Variants in MFSD2B observed in about 807,000 individuals in gnomAD.
MFSD2B encodes the protein MFSD2 lysolipid transporter B, sphingolipid, also known as sphingosine-1-phosphate transporter MFSD2B.
A neutral mutation model predicts 58.4 loss-of-function variants in MFSD2B; 56 were observed. The ratio of observed to expected loss-of-function variants is 0.96; its 90% CI spans 0.77 to 1.20. MFSD2B has a LOEUF of 1.20. Ranked by LOEUF, MFSD2B falls within the 50% of genes most tolerant of loss-of-function variation. MFSD2B has a pLI of 0.00. For missense variants in MFSD2B, 645 were observed against 667.6 expected (o/e 0.97, Z 0.37); for synonymous variants, 287 against 294.4 (o/e 0.97, Z 0.26).
At chr2:24,019,908 AG>A (rs1159808508) in intron 6 of MFSD2B, among the ~76,000 whole-genome samples, 1 of 152,212 alleles carries the variant, frequency 6.6e-6, no homozygotes, top group African/African-American at 2.4e-5. Flanking sequence ...AAGGGCCAGA[AG>A]GCTGTATCCT....
At chr2:24,025,304 G>A in intron 13 of MFSD2B, 128 bp from the exon 14 acceptor site, 1 of 771,622 alleles carries the variant, frequency 1.3e-6, no homozygotes. Context: ...GACTTGGGAG[G>A]GGAGGAGTTG....
rs376602986 is a variant in MFSD2B, at chr2:24,017,278, C to T, written c.472-8C>T. The T allele has an allele frequency of 3.6e-5, 58 of 1,591,576 alleles. No homozygotes were observed. The Admixed American group carries it at 4.2e-4, about 12-fold the overall frequency. ...TGGGGGCGGTTCTAAGCTCTGCCGA[C>T]GCCCCAGTTCTTCCAGGTGCCCTAC... On this transcript the variant is annotated splice_region_variant and splice_polypyrimidine_tract_variant and intron_variant, in intron 4 of 13. Coordinates refer to ENST00000338315, the MANE Select transcript of MFSD2B (RefSeq NM_001346880.2). The surrounding 1 kb of genome is among the most constrained non-coding windows in gnomAD (Gnocchi z 4.8).
At chr2:24,016,387 A>G in intron 3 of MFSD2B, 107 bp downstream of exon 3, 2 of 1,254,230 alleles carry the variant, frequency 1.6e-6, no homozygotes, top group Non-Finnish European at 1.1e-6. Context: ...TGGTTAGGAG[A>G]CAAGACTGGA....
chr2:24,017,444 C>A lies in MFSD2B; in HGVS notation c.551-14C>A, dbSNP rs1269089441. On this transcript the variant is annotated splice_polypyrimidine_tract_variant and intron_variant, in intron 5 of 13. Transcript: ENST00000338315. This position sits in a 1 kb window ranked among gnomAD's most constrained non-coding sequence, Gnocchi z 4.8. ...ACTCCCTCTCAGTCACCTTAAGTGG[C>A]ACTCTGTCTCCAGGGATGACTGTGG... is the stretch of plus-strand genomic sequence containing the variant. The A allele has an allele frequency of 6.3e-7, 1 of 1,599,958 alleles. No homozygotes were observed. The highest frequency in any genetic ancestry group is 1.7e-5 in the Admixed American group (1 of 58,082).
intron 2 of MFSD2B, among the ~76,000 whole-genome samples, chr2:24,014,443 C>T (rs115372421): frequency 6.6e-6 from 1 of 152,184 alleles, no homozygotes; most frequent in Non-Finnish European, 1.5e-5. Flanking sequence ...CGTGAGCCAC[C>T]GTGCCTGGCC....
In MFSD2B at chr2:24,024,516, T is replaced by C. The variant is rs926045104; in HGVS notation, c.1490+245T>C. Among the ~76,000 whole-genome samples, 1 of 152,110 alleles carries C rather than the reference T, an allele frequency of 6.6e-6. No homozygotes were observed. The highest frequency in any genetic ancestry group is 6.6e-5 in the Admixed American group (1 of 15,256). On this transcript the variant is annotated intron_variant, in intron 13 of 13. Transcript: ENST00000338315. This position sits in a 1 kb window ranked among gnomAD's most constrained non-coding sequence, Gnocchi z 4.3. Reference sequence around the variant, plus strand: ...TGAGGGCTCACTCCTTGATCTCCTATTGCTTTTGCTCTCCAAAGCCCCCTT... The same window carrying C: ...TGAGGGCTCACTCCTTGATCTCCTACTGCTTTTGCTCTCCAAAGCCCCCTT...
In MFSD2B at chr2:24,016,153, C is replaced by T. The variant is rs1477982758; in HGVS notation, c.223-3C>T. On this transcript the variant is annotated splice_region_variant and splice_polypyrimidine_tract_variant and intron_variant, in intron 2 of 13. Coordinates refer to ENST00000338315, the MANE Select transcript of MFSD2B (RefSeq NM_001346880.2). ...TCTCTATCCCCTCCCCTGTCTGTTTCAGATCCCTGCCGCCCAGGTGTCACT... is the reference window on the plus strand; with the variant it reads ...TCTCTATCCCCTCCCCTGTCTGTTTTAGATCCCTGCCGCCCAGGTGTCACT... 1.2e-6 allele frequency: 2 copies of T among 1,613,166 alleles called. No homozygotes were observed. Among genetic ancestry groups the T allele is most frequent in the African/African-American group, 1.3e-5 (1 of 74,928 alleles).
intron 1 of MFSD2B, among the ~76,000 whole-genome samples, chr2:24,011,223 C>A (rs964563824): frequency 1.3e-5 from 2 of 152,216 alleles, no homozygotes; most frequent in Non-Finnish European, 1.5e-5. Flanking sequence ...TTATGACTTT[C>A]GGTAAAACTG....
At chr2:24,014,146 G>T (rs1451736584) in intron 2 of MFSD2B, among the ~76,000 whole-genome samples, 1 of 152,046 alleles carries the variant, frequency 6.6e-6, no homozygotes, top group East Asian at 1.9e-4. Context: ...AGAGTAGCTG[G>T]GATTACAGGT....
chr2:24,024,250 C>T lies in MFSD2B; in HGVS notation c.1469C>T (p.Ser490Phe). 1 of 1,608,890 alleles carries T rather than the reference C, an allele frequency of 6.2e-7. No individual in the cohort carries two copies. The highest frequency in any genetic ancestry group is 8.5e-7 in the Non-Finnish European group (1 of 1,177,916). Reference sequence around the variant, plus strand: ...CCAAAGACACCCAGTCGGGACGCCTCCAGCCGGCTGAGCCTTCGGAGGTAA... The same window carrying T: ...CCAAAGACACCCAGTCGGGACGCCTTCAGCCGGCTGAGCCTTCGGAGGTAA... The part of the protein sequence containing the change: ...STPKTPSRDA[S>F]SRLSLRRRTS... Residue 490 changes from serine (S) to phenylalanine (F), a missense_variant, in exon 13 of 14, where the codon TCC (serine) becomes TTC (phenylalanine). Ser to Phe is a radical substitution (Grantham distance 155, BLOSUM62 -2). Transcript: ENST00000338315. The surrounding 1 kb of genome is among the most constrained non-coding windows in gnomAD (Gnocchi z 4.3).
intron 2 of MFSD2B, 134 bp from the exon 3 acceptor site, chr2:24,016,022 G>A (rs1709131384): frequency 9.0e-7 from 1 of 1,115,770 alleles, no homozygotes; most frequent in Non-Finnish European, 1.3e-6. Flanking sequence ...GGGGAAGGCT[G>A]AGGAGCCCTT....
rs578258092 is a variant in MFSD2B, at chr2:24,018,733, A to T, written c.681+1145A>T. 940 of 169,240 alleles carry T rather than the reference A, an allele frequency of 5.6e-3. 2 individuals carry two copies. The highest frequency in any genetic ancestry group is 8.8e-3 in the Non-Finnish European group (694 of 78,468). The allele number at this position is 169,240 out of a possible 1,614,324, so 10.5% of individuals were successfully genotyped here. A position where few individuals can be genotyped will look rare whatever the true frequency, so the allele number is the denominator to read the frequency against. On this transcript the variant is annotated intron_variant, in intron 6 of 13. Coordinates refer to ENST00000338315, the MANE Select transcript of MFSD2B (RefSeq NM_001346880.2). ...CCTTTTCTGGAAAAAAAAAAAAAAA[A>T]GGAGTTTGAGCATGGGTGGCCCTCG...
chr2:24,018,263 C>T, intron 6 of MFSD2B: 1 of 168,130 alleles, frequency 5.9e-6, no homozygotes, highest in Non-Finnish European at 1.3e-5. Flanking sequence ...TGCATCCAGC[C>T]ACCCTGCACC....
Position 24,023,328 on chromosome 2 carries a change from C to T in MFSD2B, c.1169+89C>T. On this transcript the variant is annotated intron_variant, in intron 11 of 13. Transcript: ENST00000338315. The surrounding 1 kb of genome is among the most constrained non-coding windows in gnomAD (Gnocchi z 5.0). ...GCCGTCCCAGGCCCCCTGCACCCAG[C>T]CTGTGCAGGAGATGGAGGCCACCAG... 8.6e-7 allele frequency: 1 copy of T among 1,157,322 alleles called. No homozygotes were observed. The allele number at this position is 1,157,322 out of a possible 1,614,324, so 71.7% of individuals were successfully genotyped here. A position where few individuals can be genotyped will look rare whatever the true frequency, so the allele number is the denominator to read the frequency against.
In MFSD2B at chr2:24,010,179, A is replaced by C; in HGVS notation, c.83A>C (p.Lys28Thr). ...HAPEPGPGSA[K>T]RGREDSRAGR... ...CCAGAGCCCGGCCCGGGGAGCGCCAAGCGAGGGCGAGAGGTGAGCGGGGCG... is the reference window on the plus strand; with the variant it reads ...CCAGAGCCCGGCCCGGGGAGCGCCACGCGAGGGCGAGAGGTGAGCGGGGCG... The change falls in exon 1 of 14, where the codon AAG becomes ACG. Residue 28 changes from lysine to threonine, a missense_variant. Transcript: ENST00000338315. 1 of 1,432,858 alleles carries C rather than the reference A, an allele frequency of 7.0e-7. No individual in the cohort carries two copies. Among genetic ancestry groups the C allele is most frequent in the Admixed American group, 2.7e-5 (1 of 36,762 alleles). 88.8% of individuals were successfully genotyped at this position (1,432,858 alleles called of 1,614,324 possible).
At position 24,024,878 on chromosome 2, in the gene MFSD2B, G is replaced by A. The variant is rs55691540; in HGVS notation, c.1491-554G>A. Among the ~76,000 whole-genome samples the A allele has an allele frequency of 0.049, 7,387 of 152,096 alleles. 237 individuals are homozygous for A. Among genetic ancestry groups the A allele is most frequent in the Middle Eastern group, 0.078 (23 of 294 alleles). On this transcript the variant is annotated intron_variant, in intron 13 of 13. Transcript: ENST00000338315. The surrounding 1 kb of genome is among the most constrained non-coding windows in gnomAD (Gnocchi z 4.3). ...CTGGTCCTTCCCCTACCAGAACACC[G>A]ACCCCACTGACGGGGAGGATCTACT...
rs374427468 is a variant in MFSD2B, at chr2:24,022,822, G to A, written c.979G>A (p.Val327Ile). The A allele has an allele frequency of 1.9e-6, 3 of 1,587,336 alleles. No homozygotes were observed. Among genetic ancestry groups the A allele is most frequent in the African/African-American group, 1.3e-5 (1 of 74,124 alleles). ...HVQGLVLTVL[V>I]SAVLSTPLWE... ...GCGTGACGATGCTGTCTGCTCACAG[G>A]TCTCAGCCGTGCTGAGCACCCCGCT... The change falls in exon 10 of 14, where the codon GTC (valine) becomes ATC (isoleucine). Residue 327 changes from valine (V) to isoleucine (I), a missense_variant and splice_region_variant. Val to Ile is a conservative substitution (Grantham distance 29, BLOSUM62 3). Transcript: ENST00000338315. This position sits in a 1 kb window ranked among gnomAD's most constrained non-coding sequence, Gnocchi z 4.5.
rs1158855910 is a variant in MFSD2B at position 24,012,695 on chromosome 2, C to T, written c.97-590C>T. Among the ~76,000 whole-genome samples, 1 of 152,164 alleles carries T rather than the reference C, an allele frequency of 6.6e-6. No individual in the cohort carries two copies. Among genetic ancestry groups the T allele is most frequent in the African/African-American group, 2.4e-5 (1 of 41,458 alleles). On this transcript the variant is annotated intron_variant, in intron 1 of 13. Transcript: ENST00000338315. This position sits in a 1 kb window ranked among gnomAD's most constrained non-coding sequence, Gnocchi z 4.5. ...TTGTGGCCTGAGCCACTGAGGGGAC[C>T]AGCGGTGCCATTTGCTAGGAGCTGG... is the stretch of plus-strand genomic sequence containing the variant.
chr2:24,018,997 T>C (rs574272834), intron 6 of MFSD2B, among the ~76,000 whole-genome samples: 1 of 151,990 alleles, frequency 6.6e-6, no homozygotes, highest in Non-Finnish European at 1.5e-5. Flanking sequence ...ATTACAGGCA[T>C]GCGCCACCAC....
Sources: allele counts gnomAD v4.1 joint callset (sites outside exome capture counted in the v4.1 genomes callset), GRCh38; gene constraint gnomAD v4.1.1; non-coding constraint Gnocchi (gnomAD v3.1); transcripts MANE v1.5; gene names NCBI Gene and HGNC (gene_info 2026-07-23, HGNC 2026-07-21).